NME8: variants seen among roughly 807,000 people sequenced by gnomAD.
The protein encoded by NME8 is NME/NM23 family member 8.
In NME8, 72 loss-of-function variants were observed where a neutral mutation model predicts 82.3. The observed-to-expected ratio is 0.87, with a 90% confidence interval of 0.72 to 1.06. The LOEUF is 1.06. Ranked by LOEUF, NME8 falls within the 50% of genes least tolerant of loss-of-function variation. The pLI is 0.00. For synonymous variants in NME8, 267 were observed against 228.5 expected, an observed-to-expected ratio of 1.17 and a Z score of -1.52; for missense variants, 712 against 685.4, an observed-to-expected ratio of 1.04 and a Z score of -0.43.
intron 12 of NME8, among the ~76,000 whole-genome samples, chr7:37,880,530 G>A (rs1414447867): frequency 2.0e-5 from 3 of 152,070 alleles, no homozygotes; most frequent in Admixed American, 6.5e-5. Context: ...CTTTTTCTGG[G>A]CTCTCTGCTC....
Position 37,850,426 on chromosome 7 carries a change from G to T in NME8, c.82G>T (p.Gly28Cys), listed in dbSNP as rs780172047. Residue 28 changes from glycine to cysteine, a missense_variant, in exon 4 of 18, where the codon GGC becomes TGC. Gly to Cys is a radical substitution (Grantham distance 159, BLOSUM62 -3). Coordinates refer to ENST00000199447, the MANE Select transcript of NME8 (RefSeq NM_016616.5). ...SLWDEMLQNK[G>C]LTVIDVYQAW... Reference sequence around the variant, plus strand: ...GTGGGATGAGATGTTGCAGAACAAAGGCTTAACAGGTATAAGGACTCCCCG... The same window carrying T: ...GTGGGATGAGATGTTGCAGAACAAATGCTTAACAGGTATAAGGACTCCCCG... 18 of 1,613,988 alleles carry T rather than the reference G, an allele frequency of 1.1e-5. No individual in the cohort carries two copies. The highest frequency in any genetic ancestry group is 1.6e-4 in the Middle Eastern group (1 of 6,078).
At chr7:37,883,852 A>G (rs1056500131) in intron 12 of NME8, among the ~76,000 whole-genome samples, 3 of 152,198 alleles carry the variant, frequency 2.0e-5, no homozygotes, top group Non-Finnish European at 4.4e-5. Flanking sequence ...TCAGGTATTC[A>G]ATCACCTTGT....
In NME8 at chr7:37,876,879, T is replaced by A. The variant is rs750935741; in HGVS notation, c.866T>A (p.Ile289Asn). The change falls in exon 12 of 18, where the codon ATT becomes AAT. Residue 289 changes from isoleucine (I) to asparagine (N), a missense_variant. Coordinates refer to ENST00000199447, the MANE Select transcript of NME8 (RefSeq NM_016616.5). ...CAACATTTAGCTCAGCTCTGTGACA[T>A]TGAAGAGGATGCAGCTAATGTTGCT... is the stretch of plus-strand genomic sequence containing the variant. Reference protein sequence around the residue: ...ERQHLAQLCDIEEDAANVAKF... With the variant: ...ERQHLAQLCDNEEDAANVAKF... 10 of 1,613,082 alleles carry A rather than the reference T, an allele frequency of 6.2e-6. No homozygotes were observed. In the African/African-American group the frequency reaches 1.2e-4, roughly 19 times the overall value.
chr7:37,876,598 A>T (rs925158293), intron 11 of NME8, among the ~76,000 whole-genome samples: 1 of 152,168 alleles, frequency 6.6e-6, no homozygotes, highest in African/African-American at 2.4e-5. Flanking sequence ...ATTCTCTCAT[A>T]AAGTCAAACA....
Position 37,896,946 on chromosome 7 carries a change from C to A in NME8, c.1621C>A (p.Pro541Thr), listed in dbSNP as rs1224442590. Residue 541 changes from proline (P) to threonine (T), a missense_variant, in exon 17 of 18, where the codon CCA (proline) becomes ACA (threonine). By Grantham distance (38) the Pro-to-Thr change is conservative. Coordinates refer to ENST00000199447, the MANE Select transcript of NME8 (RefSeq NM_016616.5). Reference sequence around the variant, plus strand: ...GAGACGATTGATGGGCCCAACAGACCCAGAAGAAGCAAAATTACTTTCCCC... The same window carrying A: ...GAGACGATTGATGGGCCCAACAGACACAGAAGAAGCAAAATTACTTTCCCC... ...EWRRLMGPTD[P>T]EEAKLLSPDS... is the part of the protein sequence containing the mutation. The A allele has an allele frequency of 1.2e-6, 2 of 1,613,760 alleles. No individual in the cohort carries two copies. Among genetic ancestry groups the A allele is most frequent in the Non-Finnish European group, 1.7e-6 (2 of 1,179,862 alleles).
At chr7:37,893,317 A>C (rs919998464) in intron 15 of NME8, among the ~76,000 whole-genome samples, 2 of 152,176 alleles carry the variant, frequency 1.3e-5, no homozygotes, top group Non-Finnish European at 2.9e-5. Flanking sequence ...ACCCTAATTC[A>C]TTCTTCATGG....
intron 15 of NME8, among the ~76,000 whole-genome samples, chr7:37,889,439 G>A: frequency 6.6e-6 from 1 of 151,078 alleles, no homozygotes; most frequent in Middle Eastern, 3.4e-3. Context: ...TGAATATTAA[G>A]TTTATTTATT....
At chr7:37,887,352 T>C (rs568741313) in intron 14 of NME8, among the ~76,000 whole-genome samples, 3 of 152,310 alleles carry the variant, frequency 2.0e-5, no homozygotes, top group East Asian at 3.9e-4. Flanking sequence ...TTAATGTTTA[T>C]AATTTTATAT....
intron 5 of NME8, among the ~76,000 whole-genome samples, chr7:37,853,272 G>A (rs1013778289): frequency 7.9e-5 from 12 of 152,050 alleles, no homozygotes; most frequent in African/African-American, 2.4e-4. Context: ...CCAGTCTGTG[G>A]CTGGTTTTTT....
At chr7:37,882,602 AGAGAG>A (rs1562838259) in intron 12 of NME8, among the ~76,000 whole-genome samples, 2,771 of 91,462 alleles carry the variant, frequency 0.03, 60 homozygotes, top group East Asian at 0.044. Context: ...AAAGAAAGAG[AGAGAG>A]AGAGAGAGAA....
At chr7:37,852,248 C>T (rs1431607872) in intron 5 of NME8, among the ~76,000 whole-genome samples, 1 of 152,054 alleles carries the variant, frequency 6.6e-6, no homozygotes, top group Non-Finnish European at 1.5e-5. Flanking sequence ...AAAGAGTTCT[C>T]ATATATCCCC....
At chr7:37,865,673 A>C in intron 10 of NME8, 56 bp downstream of exon 10, 1 of 1,192,016 alleles carries the variant, frequency 8.4e-7, no homozygotes, top group Admixed American at 1.7e-5. Flanking sequence ...TGGCCTCCAT[A>C]AGCTTTAAAT....
intron 6 of NME8, among the ~76,000 whole-genome samples, chr7:37,857,579 G>A (rs1325472649): frequency 3.9e-5 from 6 of 152,096 alleles, no homozygotes; most frequent in Non-Finnish European, 8.8e-5. Context: ...AAAGTAAGAT[G>A]GCGTTTATCT....
chr7:37,864,529 C>G, intron 9 of NME8, 108 bp downstream of exon 9: 1 of 1,152,772 alleles, frequency 8.7e-7, no homozygotes, highest in Non-Finnish European at 1.2e-6. Flanking sequence ...ACAAAATGCA[C>G]TACTGGTGCT....
chr7:37,882,629 AAG>A (rs758352816), intron 12 of NME8, among the ~76,000 whole-genome samples: 6,904 of 125,324 alleles, frequency 0.055, 314 homozygotes, highest in Admixed American at 0.084. Flanking sequence ...GAAAGAAAGA[AAG>A]AAAGAAAGAA....
chr7:37,851,371 T>C (rs907953810), intron 5 of NME8, among the ~76,000 whole-genome samples: 2 of 152,212 alleles, frequency 1.3e-5, no homozygotes, highest in Admixed American at 6.5e-5. Context: ...TTCAAACTGA[T>C]ACTCCATTGA....
intron 10 of NME8, among the ~76,000 whole-genome samples, chr7:37,866,364 C>A (rs1012000371): frequency 6.6e-6 from 1 of 152,272 alleles, no homozygotes; most frequent in South Asian, 2.1e-4. Context: ...CTTTGTGGAA[C>A]TGACTGCACC....
At chr7:37,879,621 C>T (rs1583638705) in intron 12 of NME8, among the ~76,000 whole-genome samples, 4 of 152,226 alleles carry the variant, frequency 2.6e-5, no homozygotes, top group South Asian at 4.1e-4. Flanking sequence ...TTGGTTGCTT[C>T]CAGTTTTCAG....
chr7:37,863,206 TA>T (rs1282931296), intron 7 of NME8, among the ~76,000 whole-genome samples, 189 bp from the exon 8 acceptor site: 8 of 152,196 alleles, frequency 5.3e-5, no homozygotes, highest in Non-Finnish European at 1.2e-4. Flanking sequence ...CCTTCCATTT[TA>T]AAACATCCCT....
Sources: allele counts gnomAD v4.1 joint callset (sites outside exome capture counted in the v4.1 genomes callset), GRCh38; gene constraint gnomAD v4.1.1; transcripts MANE v1.5; gene names NCBI Gene and HGNC (gene_info 2026-07-23, HGNC 2026-07-21).